Variants in B3GAT1 observed in about 807,000 individuals in gnomAD.
B3GAT1 encodes the protein beta-1,3-glucuronyltransferase 1.
A neutral mutation model predicts 28.4 loss-of-function variants in B3GAT1; 11 were observed. That is an observed-to-expected ratio of 0.39 (90% CI 0.24 to 0.64). The LOEUF is 0.64. B3GAT1 is among the 30% of genes least tolerant of loss of function. The pLI is 0.50. For synonymous variants in B3GAT1, 255 were observed against 223.1 expected (o/e 1.14, Z -1.27); for missense variants, 375 against 491.0 (o/e 0.76, Z 2.23).
rs55794505 is a variant in B3GAT1 at position 134,403,983 on chromosome 11, T to TTATATATA, written c.-282+7816_-282+7823dup. On this transcript the variant is annotated intron_variant, in intron 1 of 5. Coordinates refer to ENST00000312527, the MANE Select transcript of B3GAT1 (RefSeq NM_054025.3). ...TTTAACGGGTACAGAGTTTCTTTCT[T>TTATATATA]TATATATATATATATATATATATAT... is the stretch of plus-strand genomic sequence containing the variant. Among the ~76,000 whole-genome samples, 161 of 40,602 alleles carry TTATATATA rather than the reference T, an allele frequency of 4.0e-3. 2 individuals carry two copies. The highest frequency in any genetic ancestry group is 8.1e-3 in the East Asian group (6 of 742). 26.6% of individuals were successfully genotyped at this position (40,602 alleles called of 152,430 possible). A position where few individuals can be genotyped will look rare whatever the true frequency, so the allele number is the denominator to read the frequency against.
intron 3 of B3GAT1, 143 bp downstream of exon 3, chr11:134,383,537 G>T: frequency 8.8e-7 from 1 of 1,134,858 alleles, no homozygotes; most frequent in African/African-American, 1.6e-5. Context: ...CCCTTTCCCT[G>T]GCTCTCTGCT....
chr11:134,405,255 C>G (rs912876624), intron 1 of B3GAT1, among the ~76,000 whole-genome samples: 6 of 152,140 alleles, frequency 3.9e-5, no homozygotes, highest in African/African-American at 1.4e-4. Context: ...CCTCCTTAGG[C>G]TTCGGAAGAC....
intron 1 of B3GAT1, among the ~76,000 whole-genome samples, chr11:134,405,618 G>A (rs999418549): frequency 3.3e-5 from 5 of 152,318 alleles, no homozygotes; most frequent in South Asian, 4.1e-4. Flanking sequence ...CCCCGACCCC[G>A]GGGGTGGCAG....
chr11:134,383,576 G>C, intron 3 of B3GAT1, 104 bp downstream of exon 3: 4 of 1,394,886 alleles, frequency 2.9e-6, no homozygotes, highest in Non-Finnish European at 3.8e-6. Flanking sequence ...CCGGCTTCCC[G>C]GGTTCCCCCT....
chr11:134,405,212 G>A (rs928592141), intron 1 of B3GAT1, among the ~76,000 whole-genome samples: 1 of 152,160 alleles, frequency 6.6e-6, no homozygotes, highest in Non-Finnish European at 1.5e-5. Context: ...TGGGGGTCAG[G>A]ACTTATCTTC....
At chr11:134,404,409 G>A (rs539340091) in intron 1 of B3GAT1, among the ~76,000 whole-genome samples, 1 of 152,242 alleles carries the variant, frequency 6.6e-6, no homozygotes, top group African/African-American at 2.4e-5. Flanking sequence ...GCTGAACTGT[G>A]CACTTGAAAA....
chr11:134,404,819 C>T (rs1257915638), intron 1 of B3GAT1, among the ~76,000 whole-genome samples: 1 of 152,178 alleles, frequency 6.6e-6, no homozygotes, highest in Non-Finnish European at 1.5e-5. Flanking sequence ...TATCGACAGG[C>T]GATGAGTTAG....
intron 1 of B3GAT1, among the ~76,000 whole-genome samples, chr11:134,408,191 T>C (rs55648044): frequency 0.052 from 7,345 of 140,734 alleles, 8 homozygotes; most frequent in Middle Eastern, 0.088. Context: ...CCTGCACCGA[T>C]TCCAGTGGGG....
At chr11:134,392,540 A>G (rs1479907094) in intron 1 of B3GAT1, among the ~76,000 whole-genome samples, 1 of 152,144 alleles carries the variant, frequency 6.6e-6, no homozygotes. Flanking sequence ...CAGCTAATTT[A>G]AAATTCTTTT....
At chr11:134,409,205 G>C (rs1370735853) in intron 1 of B3GAT1, among the ~76,000 whole-genome samples, 1 of 152,204 alleles carries the variant, frequency 6.6e-6, no homozygotes, top group Non-Finnish European at 1.5e-5. Flanking sequence ...GCCACAGATG[G>C]AGATGAGACT....
intron 1 of B3GAT1, among the ~76,000 whole-genome samples, chr11:134,404,869 C>T (rs1866767): frequency 0.14 from 21,538 of 152,190 alleles, 1,763 homozygotes; most frequent in African/African-American, 0.23. Flanking sequence ...ACTCTCTGAC[C>T]GTGAGGAAAG....
At position 134,402,007 on chromosome 11, in the gene B3GAT1, G is replaced by A. The variant is rs186531372; in HGVS notation, c.-282+9800C>T. ...GGCAGCCTGACCACTGTCGGGAGGC[G>A]GGGCCCCTGGAACCTGGCGCTGTGG... On this transcript the variant is annotated intron_variant, in intron 1 of 5. Coordinates refer to ENST00000312527, the MANE Select transcript of B3GAT1 (RefSeq NM_054025.3). Among the ~76,000 whole-genome samples the A allele has an allele frequency of 2.7e-3, 403 of 151,788 alleles. 1 individual carries two copies. Among genetic ancestry groups the A allele is most frequent in the African/African-American group, 8.6e-3 (356 of 41,344 alleles).
In B3GAT1 at chr11:134,404,708, C is replaced by T. The variant is rs758604639; in HGVS notation, c.-282+7099G>A. Among the ~76,000 whole-genome samples, 19 of 152,328 alleles carry T rather than the reference C, an allele frequency of 1.2e-4. 1 individual carries two copies. The highest frequency in any genetic ancestry group is 1.0e-3 in the South Asian group (5 of 4,826). On this transcript the variant is annotated intron_variant, in intron 1 of 5. Coordinates refer to ENST00000312527, the MANE Select transcript of B3GAT1 (RefSeq NM_054025.3). ...AAGAGTGTGCACGCCCCACTGACAGCCTGCAACCGCCTCGCTGTCCTCAGG... is the reference window on the plus strand; with the variant it reads ...AAGAGTGTGCACGCCCCACTGACAGTCTGCAACCGCCTCGCTGTCCTCAGG...
chr11:134,392,003 A>T (rs971459843), intron 1 of B3GAT1: 1 of 152,206 alleles, frequency 6.6e-6, no homozygotes, highest in Non-Finnish European at 1.5e-5. Flanking sequence ...GGTCATGCTG[A>T]TTGCCCTCCT....
rs758019374 is a variant in B3GAT1 at position 134,387,535 on chromosome 11, C to T, written c.112+13G>A. On this transcript the variant is annotated intron_variant, in intron 2 of 5. Transcript: ENST00000312527. ...GGCCCAGCTGGGCAGGCAGGGCATG[C>T]GTGCGTGCTCACCCTTATGTACCGC... The T allele has an allele frequency of 1.2e-5, 20 of 1,613,192 alleles. No homozygotes were observed. Among genetic ancestry groups the T allele is most frequent in the East Asian group, 2.2e-5 (1 of 44,874 alleles).
At chr11:134,408,803 C>T (rs1323104980) in intron 1 of B3GAT1, among the ~76,000 whole-genome samples, 4 of 120,614 alleles carry the variant, frequency 3.3e-5, no homozygotes, top group East Asian at 2.4e-4. Context: ...CAGCCTGCAC[C>T]GACTCCAGTG....
chr11:134,383,138 C>A, intron 3 of B3GAT1, 132 bp from the exon 4 acceptor site: 2 of 982,988 alleles, frequency 2.0e-6, no homozygotes, highest in Non-Finnish European at 2.9e-6. Flanking sequence ...TAGGGGGTGT[C>A]CAGTACAGCC....
rs1591657019 is a variant in B3GAT1, at chr11:134,412,197, A to T, written c.-672T>A. Among the ~76,000 whole-genome samples, 1 of 142,784 alleles carries T rather than the reference A, an allele frequency of 7.0e-6. No individual in the cohort carries two copies. Among genetic ancestry groups the T allele is most frequent in the Non-Finnish European group, 1.5e-5 (1 of 64,908 alleles). The allele number at this position is 142,784 out of a possible 152,430, so 93.7% of individuals were successfully genotyped here. A position where few individuals can be genotyped will look rare whatever the true frequency, so the allele number is the denominator to read the frequency against. The stretch of plus-strand genomic sequence containing the variant: ...GGAGCCGAGCCGACCGGGCCGGCGC[A>T]GAGTCCCCGAGGTGGCGGCGGATGC... On this transcript the variant is annotated 5_prime_UTR_variant, in exon 1 of 6. Coordinates refer to ENST00000312527, the MANE Select transcript of B3GAT1 (RefSeq NM_054025.3).
In B3GAT1 at chr11:134,378,574, A is replaced by G. The variant is rs1480167798; in HGVS notation, c.*2188T>C. The G allele has an allele frequency of 1.3e-5, 2 of 152,246 alleles. No homozygotes were observed. The highest frequency in any genetic ancestry group is 2.9e-5 in the Non-Finnish European group (2 of 68,060). 9.4% of individuals were successfully genotyped at this position (152,246 alleles called of 1,614,324 possible). A position where few individuals can be genotyped will look rare whatever the true frequency, so the allele number is the denominator to read the frequency against. ...ATTAAATACAGTTAAATTAAAACAG[A>G]CCAGATGCAGCTGCCTGGGTGCCAC... On this transcript the variant is annotated 3_prime_UTR_variant, in exon 6 of 6. Transcript: ENST00000312527.
Sources: gnomAD v4.1 joint callset for allele counts (sites outside exome capture counted in the v4.1 genomes callset) on GRCh38, gnomAD v4.1.1 for gene constraint, MANE v1.5 for transcripts, NCBI Gene and HGNC (gene_info 2026-07-23, HGNC 2026-07-21) for gene names.